NCOA6: variants seen among roughly 807,000 people sequenced by gnomAD.
The protein encoded by NCOA6 is NRC RAP250.
A neutral mutation model predicts 171.4 loss-of-function variants in NCOA6; 49 were observed. The ratio of observed to expected loss-of-function variants is 0.29; its 90% CI spans 0.23 to 0.36. The LOEUF (loss-of-function observed/expected upper bound fraction) is 0.36, where lower values mean the gene tolerates loss of function less well. Ranked by LOEUF, NCOA6 falls within the 10% of genes least tolerant of loss-of-function variation. NCOA6 has a pLI of 1.00. For synonymous variants in NCOA6, 910 were observed against 927.5 expected (o/e 0.98, Z 0.34); for missense variants, 2,248 against 2,554.5 (o/e 0.88, Z 2.59).
At chr20:34,718,657 C>G (rs1988910072) in intron 14 of NCOA6, among the ~76,000 whole-genome samples, 1 of 152,088 alleles carries the variant, frequency 6.6e-6, no homozygotes, top group Non-Finnish European at 1.5e-5. Flanking sequence ...AGGCATGCAC[C>G]ACCACGCCCA....
At chr20:34,722,805 G>C (rs1989532602) in intron 14 of NCOA6, among the ~76,000 whole-genome samples, 1 of 145,842 alleles carries the variant, frequency 6.9e-6, no homozygotes, top group Admixed American at 6.9e-5. Context: ...GGCCAACATG[G>C]TGAAACCCCA....
At chr20:34,798,511 C>T (rs916868400) in intron 1 of NCOA6, among the ~76,000 whole-genome samples, 6 of 152,182 alleles carry the variant, frequency 3.9e-5, no homozygotes, top group African/African-American at 7.2e-5. Context: ...AGGCCTTGGG[C>T]GAGAGACCCA....
At chr20:34,727,473 T>G in intron 13 of NCOA6, 66 bp from the exon 14 acceptor site, 13 of 1,530,356 alleles carry the variant, frequency 8.5e-6, no homozygotes, top group East Asian at 2.3e-5. Flanking sequence ...AAACGGGCTC[T>G]TCAGATAGTT....
intron 1 of NCOA6, among the ~76,000 whole-genome samples, chr20:34,802,937 C>G (rs187620499): frequency 1.5e-3 from 228 of 152,022 alleles, no homozygotes; most frequent in Middle Eastern, 6.8e-3. Flanking sequence ...TAGATGGACC[C>G]AAGTGATCCT....
chr20:34,771,576 C>T (rs1489474869), intron 4 of NCOA6, among the ~76,000 whole-genome samples: 6 of 152,224 alleles, frequency 3.9e-5, no homozygotes, highest in Admixed American at 2.0e-4. Context: ...CAGTCTGTGG[C>T]TACCAATATT....
At chr20:34,798,544 G>A (rs902572662) in intron 1 of NCOA6, among the ~76,000 whole-genome samples, 2 of 152,346 alleles carry the variant, frequency 1.3e-5, no homozygotes, top group African/African-American at 2.4e-5. Flanking sequence ...CTTTAGGTCT[G>A]ACCCAGTGTA....
At chr20:34,767,374 C>A (rs187052064) in intron 5 of NCOA6, among the ~76,000 whole-genome samples, 3 of 152,266 alleles carry the variant, frequency 2.0e-5, no homozygotes, top group Admixed American at 6.5e-5. Context: ...CGGCTCACTG[C>A]AACCTCCACC....
Position 34,750,525 on chromosome 20 carries a change from A to G in NCOA6, c.1676-6T>C. On this transcript the variant is annotated splice_polypyrimidine_tract_variant and splice_region_variant and intron_variant, in intron 8 of 14. Transcript: ENST00000359003. The stretch of plus-strand genomic sequence containing the variant: ...AGGACCAGCTCCTTGACCACCTTAA[A>G]AAAAAAAAAAGTCACAGTTTCAGAA... The G allele has an allele frequency of 6.5e-7, 1 of 1,544,888 alleles. No individual in the cohort carries two copies. Among genetic ancestry groups the G allele is most frequent in the Non-Finnish European group, 8.7e-7 (1 of 1,147,268 alleles).
At chr20:34,818,548 A>C (rs1016648152) in intron 1 of NCOA6, among the ~76,000 whole-genome samples, 1 of 152,178 alleles carries the variant, frequency 6.6e-6, no homozygotes, top group African/African-American at 2.4e-5. Flanking sequence ...TCTCCAAGCA[A>C]AGTGGACTCT....
chr20:34,777,231 CATAATG>C (rs1239345424), intron 3 of NCOA6, among the ~76,000 whole-genome samples: 2 of 151,276 alleles, frequency 1.3e-5, no homozygotes, highest in African/African-American at 2.4e-5. Flanking sequence ...AAATGCAAAT[CATAATG>C]ATAAGATACC....
At chr20:34,745,253 C>T (rs1416113113) in intron 10 of NCOA6, among the ~76,000 whole-genome samples, 1 of 152,188 alleles carries the variant, frequency 6.6e-6, no homozygotes, top group Non-Finnish European at 1.5e-5. Context: ...CATTTAAACT[C>T]GGACTTTTGT....
At position 34,741,923 on chromosome 20, in the gene NCOA6, G is replaced by A; in HGVS notation, c.4333C>T (p.Pro1445Ser). 6.2e-7 allele frequency: 1 copy of A among 1,614,106 alleles called. No individual in the cohort carries two copies. The highest frequency in any genetic ancestry group is 1.1e-5 in the South Asian group (1 of 91,078). The stretch of plus-strand genomic sequence containing the variant: ...ACAACCATTTTAACTTCTTGGGCAG[G>A]GACTGCTTTTAGTTCAATGTTTACC... ...EQVNIELKAV[P>S]AQEVKMVVPE... The change falls in exon 11 of 15, where the codon CCT (proline) becomes TCT (serine). Residue 1445 changes from proline (P) to serine (S), a missense_variant. Around this residue, in one of 7 missense-constraint regions of NCOA6, gnomAD observed 884 missense variants for 941.9 expected, o/e 0.94. Transcript: ENST00000359003.
chr20:34,803,109 C>A (rs77904707), intron 1 of NCOA6, among the ~76,000 whole-genome samples: 2 of 152,022 alleles, frequency 1.3e-5, no homozygotes, highest in Admixed American at 6.6e-5. Flanking sequence ...CCATGCCCAG[C>A]GATTTATAAA....
intron 1 of NCOA6, among the ~76,000 whole-genome samples, chr20:34,800,341 A>G (rs749572508): frequency 1.1e-4 from 16 of 152,152 alleles, no homozygotes; most frequent in Non-Finnish European, 1.5e-4. Context: ...CAGAAAACCA[A>G]TAACAAAACG....
At chr20:34,752,104 C>T (rs981197040) in intron 8 of NCOA6, among the ~76,000 whole-genome samples, 5 of 152,138 alleles carry the variant, frequency 3.3e-5, no homozygotes, top group South Asian at 2.1e-4. Context: ...GTGATCCACC[C>T]GCCTTGGCCT....
In NCOA6 at chr20:34,742,145, G is replaced by A. The variant is rs2076164586; in HGVS notation, c.4111C>T (p.Pro1371Ser). The change falls in exon 11 of 15, where the codon CCG becomes TCG. Residue 1371 changes from proline to serine, a missense_variant. This residue lies in a region of NCOA6 where 884 missense variants were observed against 941.9 expected (regional missense o/e 0.94). Coordinates refer to ENST00000359003, the MANE Select transcript of NCOA6 (RefSeq NM_014071.5). ...NAALLQNVEL[P>S]RNVLVSPTPL... ...GTGGGACTGACCAATACATTTCTCG[G>A]CAACTCCACATTCTGCAATAGGGCT... 11 of 1,614,042 alleles carry A rather than the reference G, an allele frequency of 6.8e-6. No individual in the cohort carries two copies. The highest frequency in any genetic ancestry group is 8.5e-6 in the Non-Finnish European group (10 of 1,180,042).
intron 10 of NCOA6, among the ~76,000 whole-genome samples, chr20:34,745,441 T>C (rs887109783): frequency 2.0e-5 from 3 of 152,156 alleles, no homozygotes; most frequent in Non-Finnish European, 2.9e-5. Context: ...CTGGACATAC[T>C]CCCCAAAGAC....
intron 7 of NCOA6, among the ~76,000 whole-genome samples, chr20:34,756,863 A>G (rs2076655887): frequency 6.6e-6 from 1 of 152,196 alleles, no homozygotes; most frequent in Non-Finnish European, 1.5e-5. Flanking sequence ...GCTCTATTGC[A>G]TAATCTTAAT....
intron 10 of NCOA6, among the ~76,000 whole-genome samples, chr20:34,743,955 T>C (rs1235979999): frequency 6.6e-6 from 1 of 152,240 alleles, no homozygotes; most frequent in Non-Finnish European, 1.5e-5. Flanking sequence ...CTCCATACAC[T>C]ACGCCGCATC....
Sources: allele counts gnomAD v4.1 joint callset (sites outside exome capture counted in the v4.1 genomes callset), GRCh38; gene constraint gnomAD v4.1.1; regional missense constraint gnomAD v4.1.1; transcripts MANE v1.5; gene names NCBI Gene and HGNC (gene_info 2026-07-23, HGNC 2026-07-21).